BBX: variants seen among roughly 807,000 people sequenced by gnomAD.
BBX encodes the protein HMG box transcription factor BBX.
In BBX, 30 loss-of-function variants were observed where a neutral mutation model predicts 100.2. The ratio of observed to expected loss-of-function variants is 0.30; its 90% confidence interval spans 0.22 to 0.41. The LOEUF is 0.41. BBX is among the 10% of genes least tolerant of loss of function. The pLI, the probability that BBX is intolerant of heterozygous loss-of-function variation, is 1.00. For synonymous variants in BBX, 376 were observed against 388.1 expected, an observed-to-expected ratio of 0.97 and a Z score of 0.37; for missense variants, 1,023 against 1,129.8, an observed-to-expected ratio of 0.91 and a Z score of 1.35.
chr3:107,750,456 CCTAGTTATAT>C (rs2064992855), intron 9 of BBX, among the ~76,000 whole-genome samples: 1 of 152,140 alleles, frequency 6.6e-6, no homozygotes, highest in South Asian at 2.1e-4. Context: ...TATAACTTTT[CCTAGTTATAT>C]TTTGTAACCA....
chr3:107,662,640 TGG>T (rs1417561252), intron 3 of BBX: 39 of 106,652 alleles, frequency 3.7e-4, no homozygotes, highest in Non-Finnish European at 5.9e-4. Context: ...ATAACAAGTC[TGG>T]GTTTTTTTTT....
intron 5 of BBX, among the ~76,000 whole-genome samples, chr3:107,726,761 T>G (rs1221800342): frequency 6.6e-6 from 1 of 152,068 alleles, no homozygotes; most frequent in Non-Finnish European, 1.5e-5. Flanking sequence ...TGTAGTAAAC[T>G]GTGGACTGTA....
At position 107,805,844 on chromosome 3, in the gene BBX, AC is replaced by A. The variant is rs375989587; in HGVS notation, c.*388del. On this transcript the variant is annotated 3_prime_UTR_variant, in exon 18 of 18. Coordinates refer to ENST00000325805, the MANE Select transcript of BBX (RefSeq NM_001142568.3). ...TATATTACCTAGTTATTCTTTCAAA[AC>A]AAAACAAAAAAAAAACAAAAACTGA... The A allele has an allele frequency of 9.5e-5, 21 of 220,950 alleles. 1 individual carries two copies. The East Asian group carries it at 2.0e-3, about 21-fold the overall frequency. 13.7% of individuals were successfully genotyped at this position (220,950 alleles called of 1,614,324 possible). A position where few individuals can be genotyped will look rare whatever the true frequency, so the allele number is the denominator to read the frequency against.
intron 5 of BBX, among the ~76,000 whole-genome samples, chr3:107,727,557 A>G (rs977281930): frequency 3.9e-5 from 6 of 152,182 alleles, no homozygotes; most frequent in Admixed American, 3.9e-4. Flanking sequence ...CAATAGGCAT[A>G]TATATCTTAC....
chr3:107,699,982 G>T (rs918715047), intron 3 of BBX, among the ~76,000 whole-genome samples: 8 of 151,948 alleles, frequency 5.3e-5, no homozygotes, highest in Admixed American at 2.0e-4. Context: ...GAAGCACATC[G>T]TTGGGTGTGG....
intron 2 of BBX, among the ~76,000 whole-genome samples, chr3:107,591,368 G>T (rs942574826): frequency 3.3e-5 from 5 of 152,194 alleles, no homozygotes; most frequent in African/African-American, 1.2e-4. Context: ...CATGGTTGGA[G>T]AATTCAGGGG....
intron 13 of BBX, among the ~76,000 whole-genome samples, chr3:107,786,982 T>C (rs1478549488): frequency 6.6e-6 from 1 of 152,152 alleles, no homozygotes; most frequent in Non-Finnish European, 1.5e-5. Context: ...GTGATCTGAA[T>C]AGATACTTCT....
At chr3:107,592,860 A>G (rs2053430286) in intron 2 of BBX, among the ~76,000 whole-genome samples, 1 of 152,160 alleles carries the variant, frequency 6.6e-6, no homozygotes, top group Non-Finnish European at 1.5e-5. Flanking sequence ...ATCTTATGGA[A>G]GAGTGGTTTT....
At chr3:107,797,605 A>G (rs1475566957) in intron 15 of BBX, among the ~76,000 whole-genome samples, 2 of 151,002 alleles carry the variant, frequency 1.3e-5, no homozygotes, top group Non-Finnish European at 3.0e-5. Context: ...CAACTATGGT[A>G]TACCCCTAAA....
chr3:107,789,128 C>T (rs943289120), intron 13 of BBX, among the ~76,000 whole-genome samples: 4 of 151,686 alleles, frequency 2.6e-5, no homozygotes, highest in African/African-American at 9.7e-5. Flanking sequence ...GAGATGCCAC[C>T]GGGGCTTTGG....
chr3:107,764,813 CT>C (rs1022921152), intron 10 of BBX, among the ~76,000 whole-genome samples: 10 of 152,282 alleles, frequency 6.6e-5, no homozygotes, highest in African/African-American at 2.4e-4. Flanking sequence ...ACAATGTAGC[CT>C]TATTCACTTG....
At chr3:107,654,045 T>C (rs890342973) in intron 3 of BBX, among the ~76,000 whole-genome samples, 1 of 152,118 alleles carries the variant, frequency 6.6e-6, no homozygotes, top group African/African-American at 2.4e-5. Context: ...TTCAGCATTG[T>C]TAGAGTTACC....
intron 3 of BBX, chr3:107,662,930 A>G (rs1381641263): frequency 2.0e-5 from 3 of 152,192 alleles, no homozygotes; most frequent in African/African-American, 7.2e-5. Context: ...TTGTTTGTTA[A>G]ATAAATATGT....
chr3:107,589,126 T>G (rs1405812650), intron 2 of BBX, among the ~76,000 whole-genome samples: 1 of 152,184 alleles, frequency 6.6e-6, no homozygotes, highest in African/African-American at 2.4e-5. Flanking sequence ...TATGCTGTTC[T>G]CCCATATTTT....
At position 107,716,679 on chromosome 3, in the gene BBX, C is replaced by CGAG; in HGVS notation, c.236_238dup (p.Arg79_Ala80insGly). 6.2e-7 allele frequency: 1 copy of CGAG among 1,613,754 alleles called. No homozygotes were observed. Among genetic ancestry groups the CGAG allele is most frequent in the Non-Finnish European group, 8.5e-7 (1 of 1,179,780 alleles). On this transcript the variant is annotated inframe_insertion, in exon 5 of 18. Coordinates refer to ENST00000325805, the MANE Select transcript of BBX (RefSeq NM_001142568.3). Reference sequence around the variant, plus strand: ...TGAAGATGATGAATCACCAGAGCAGCGAGCCCGGAGACCAATGAATGCATT... The same window carrying CGAG: ...TGAAGATGATGAATCACCAGAGCAGCGAGGAGCCCGGAGACCAATGAATGCATT...
At chr3:107,763,148 A>T (rs543969144) in intron 10 of BBX, among the ~76,000 whole-genome samples, 38 of 152,210 alleles carry the variant, frequency 2.5e-4, no homozygotes, top group African/African-American at 4.1e-4. Flanking sequence ...GACACTTCTG[A>T]TGCCAAGGTT....
At chr3:107,597,157 A>G (rs1337044731) in intron 2 of BBX, among the ~76,000 whole-genome samples, 2 of 152,222 alleles carry the variant, frequency 1.3e-5, no homozygotes, top group African/African-American at 4.8e-5. Flanking sequence ...AGCAAAGCCT[A>G]TAACTTTATA....
chr3:107,676,409 C>T (rs1195315068), intron 3 of BBX, among the ~76,000 whole-genome samples: 1 of 152,070 alleles, frequency 6.6e-6, no homozygotes, highest in Non-Finnish European at 1.5e-5. Flanking sequence ...CAGCTGTGTA[C>T]ATGTAGGGAC....
rs545617721 is a variant in BBX, at chr3:107,604,342, T to C, written c.-83-41494T>C. On this transcript the variant is annotated intron_variant, in intron 2 of 17. Coordinates refer to ENST00000325805, the MANE Select transcript of BBX (RefSeq NM_001142568.3). The stretch of plus-strand genomic sequence containing the variant: ...CAGCTCATGACATATTTAATATCAT[T>C]TCTCCTCCAAGACTTAGCTTTTCCA... Among the ~76,000 whole-genome samples the C allele has an allele frequency of 1.9e-4, 29 of 152,266 alleles. No individual in the cohort carries two copies. In the South Asian group the frequency reaches 4.8e-3, roughly 25 times the overall value.
Sources: gnomAD v4.1 joint callset for allele counts (sites outside exome capture counted in the v4.1 genomes callset) on GRCh38, gnomAD v4.1.1 for gene constraint, MANE v1.5 for transcripts, NCBI Gene and HGNC (gene_info 2026-07-23, HGNC 2026-07-21) for gene names.